PRKCH: variants seen among roughly 807,000 people sequenced by gnomAD.
The protein encoded by PRKCH is protein kinase C eta.
PRKCH carries 28 observed loss-of-function variants against 82.5 expected under a neutral mutation model. The ratio of observed to expected loss-of-function variants is 0.34; its 90% CI spans 0.25 to 0.47. The LOEUF (loss-of-function observed/expected upper bound fraction) is 0.47. PRKCH is among the 20% of genes least tolerant of loss of function. The pLI, the probability that PRKCH is intolerant of heterozygous loss-of-function variation, is 1.00. For synonymous variants in PRKCH, 322 were observed against 327.4 expected (o/e 0.98, Z 0.18); for missense variants, 705 against 881.8 (o/e 0.80, Z 2.54).
At chr14:61,328,157 G>A (rs1287836183) in intron 1 of PRKCH, among the ~76,000 whole-genome samples, 1 of 150,114 alleles carries the variant, frequency 6.7e-6, no homozygotes, top group Non-Finnish European at 1.5e-5. Flanking sequence ...GGCTGAGGCA[G>A]GAGAATGGCG....
rs532677655 is a variant in PRKCH, at chr14:61,220,794, G to A, written c.-19+33126G>A. Among the ~76,000 whole-genome samples, 66 of 152,064 alleles carry A rather than the reference G, an allele frequency of 4.3e-4. No homozygotes were observed. The South Asian group carries it at 4.4e-3, about 10-fold the overall frequency. ...TTAACATGATGATAAGAGAAAAGGG[G>A]GAAAGGAAAGGATTAAAAGAAAAAG... is the stretch of plus-strand genomic sequence containing the variant. On this transcript the variant is annotated intron_variant, in intron 1 of 3. Coordinates refer to the PRKCH transcript ENST00000555185.
chr14:61,270,332 A>T (rs951984391), intron 1 of PRKCH, among the ~76,000 whole-genome samples: 1 of 152,128 alleles, frequency 6.6e-6, no homozygotes, highest in South Asian at 2.1e-4. Context: ...GAAAAAAGAC[A>T]ATGAGGAGAT....
chr14:61,335,974 G>A (rs1300559555), intron 1 of PRKCH, among the ~76,000 whole-genome samples: 2 of 152,206 alleles, frequency 1.3e-5, no homozygotes, highest in East Asian at 1.9e-4. Context: ...CATTAGCAGG[G>A]ATAATTTAAC....
chr14:61,438,810 G>C (rs1244298286), intron 2 of PRKCH, among the ~76,000 whole-genome samples: 3 of 152,234 alleles, frequency 2.0e-5, no homozygotes, highest in Non-Finnish European at 4.4e-5. Flanking sequence ...TGGGGTGACA[G>C]TCCAGTTTTA....
intron 12 of PRKCH, among the ~76,000 whole-genome samples, chr14:61,539,731 G>C (rs1370598618): frequency 6.6e-6 from 1 of 151,830 alleles, no homozygotes; most frequent in East Asian, 1.9e-4. Flanking sequence ...AGTTTTTAGT[G>C]ATAAATGCAA....
At chr14:61,330,930 T>C (rs1052338735) in intron 1 of PRKCH, among the ~76,000 whole-genome samples, 4 of 147,436 alleles carry the variant, frequency 2.7e-5, no homozygotes, top group Non-Finnish European at 1.5e-5. Flanking sequence ...TAAAATACGC[T>C]AACACTAACG....
intron 10 of PRKCH, among the ~76,000 whole-genome samples, chr14:61,523,165 A>G (rs965364507): frequency 6.6e-6 from 1 of 152,198 alleles, no homozygotes; most frequent in Admixed American, 6.5e-5. Flanking sequence ...TGATCTGCAC[A>G]TTTGACCACT....
chr14:61,469,838 A>C (rs1341398782), intron 9 of PRKCH, among the ~76,000 whole-genome samples: 1 of 151,888 alleles, frequency 6.6e-6, no homozygotes, highest in Non-Finnish European at 1.5e-5. Context: ...GAAGGTGTTC[A>C]TTCATTCAGC....
At chr14:61,496,909 G>A (rs1454015690) in intron 10 of PRKCH, among the ~76,000 whole-genome samples, 1 of 151,656 alleles carries the variant, frequency 6.6e-6, no homozygotes, top group Admixed American at 6.6e-5. Flanking sequence ...GCTATGATAT[G>A]ACACTCAGCT....
intron 2 of PRKCH, among the ~76,000 whole-genome samples, chr14:61,434,863 A>C (rs1424541646): frequency 6.6e-6 from 1 of 152,174 alleles, no homozygotes; most frequent in African/African-American, 2.4e-5. Context: ...TCTACTTTTT[A>C]AAAGATTTTT....
intron 1 of PRKCH, among the ~76,000 whole-genome samples, chr14:61,188,364 A>C (rs68106703): frequency 0.31 from 47,225 of 151,978 alleles, 7,547 homozygotes; most frequent in Admixed American, 0.39. Flanking sequence ...GCCCCCGCCC[A>C]CAGCCTGCAA....
chr14:61,391,088 C>T, intron 1 of PRKCH, 137 bp from the exon 2 acceptor site: 2 of 671,710 alleles, frequency 3.0e-6, no homozygotes, highest in Admixed American at 7.5e-5. Flanking sequence ...TGCCACTCTA[C>T]TATTTAATGA....
At chr14:61,418,714 C>T (rs1882685562) in intron 2 of PRKCH, among the ~76,000 whole-genome samples, 1 of 152,160 alleles carries the variant, frequency 6.6e-6, no homozygotes. Context: ...GATAGTTCAA[C>T]AGCAATGGTT....
At chr14:61,506,867 G>A (rs1887173396) in intron 10 of PRKCH, among the ~76,000 whole-genome samples, 1 of 152,160 alleles carries the variant, frequency 6.6e-6, no homozygotes, top group Non-Finnish European at 1.5e-5. Context: ...ACATGTCTAA[G>A]CCCTAAATTG....
At chr14:61,364,209 T>C (rs1270711426) in intron 1 of PRKCH, among the ~76,000 whole-genome samples, 1 of 151,740 alleles carries the variant, frequency 6.6e-6, no homozygotes, top group Non-Finnish European at 1.5e-5. Flanking sequence ...CTGAGATAGC[T>C]AACCCAAGTC....
intron 2 of PRKCH, among the ~76,000 whole-genome samples, chr14:61,427,465 G>C (rs1319264198): frequency 6.6e-6 from 1 of 152,142 alleles, no homozygotes; most frequent in Non-Finnish European, 1.5e-5. Context: ...ATCTAGTTAT[G>C]TTAAAGAGAT....
chr14:61,470,780 C>T (rs1246392818), intron 9 of PRKCH, among the ~76,000 whole-genome samples: 1 of 152,138 alleles, frequency 6.6e-6, no homozygotes, highest in African/African-American at 2.4e-5. Context: ...ACGTTCTAAA[C>T]ATTAAAATGA....
At chr14:61,263,569 C>T (rs2045069019) in intron 1 of PRKCH, among the ~76,000 whole-genome samples, 1 of 152,176 alleles carries the variant, frequency 6.6e-6, no homozygotes, top group African/African-American at 2.4e-5. Context: ...CAATATACTA[C>T]ACTGCCTTCT....
intron 10 of PRKCH, among the ~76,000 whole-genome samples, chr14:61,496,257 G>T (rs1490751656): frequency 1.3e-5 from 2 of 152,204 alleles, no homozygotes; most frequent in Non-Finnish European, 2.9e-5. Context: ...GTTGCACAAG[G>T]TAAGTGGCAT....
Sources: gnomAD v4.1 joint callset for allele counts (sites outside exome capture counted in the v4.1 genomes callset) on GRCh38, gnomAD v4.1.1 for gene constraint, MANE v1.5 for transcripts, NCBI Gene and HGNC (gene_info 2026-07-23, HGNC 2026-07-21) for gene names.